HHAT: variants seen among roughly 807,000 people sequenced by gnomAD.
The protein encoded by HHAT is hedgehog acyltransferase, also known as protein-cysteine N-palmitoyltransferase HHAT.
A neutral mutation model predicts 70.8 loss-of-function variants in HHAT; 47 were observed. That is an observed-to-expected ratio of 0.66 (90% confidence interval 0.53 to 0.85). HHAT has a LOEUF of 0.85. HHAT is among the 40% of genes least tolerant of loss of function. The pLI is 0.00. For missense variants in HHAT, 609 were observed against 604.8 expected, an observed-to-expected ratio of 1.01 and a Z score of -0.07; for synonymous variants, 228 against 247.6, an observed-to-expected ratio of 0.92 and a Z score of 0.74.
chr1:210,481,530 G>GT (rs1226762949), intron 8 of HHAT, among the ~76,000 whole-genome samples: 7 of 152,154 alleles, frequency 4.6e-5, no homozygotes, highest in African/African-American at 1.7e-4. Context: ...ACACAAAAAT[G>GT]TGAAAAACAA....
Position 210,513,193 on chromosome 1 carries a change from G to A in HHAT, c.1043+5G>A, listed in dbSNP as rs2094990465. 1.4e-6 allele frequency: 2 copies of A among 1,456,574 alleles called. No homozygotes were observed. The highest frequency in any genetic ancestry group is 9.6e-7 in the Non-Finnish European group (1 of 1,044,620). The allele number at this position is 1,456,574 out of a possible 1,614,324, so 90.2% of individuals were successfully genotyped here. ...ACTGCATAATTTCTTAATCAGGTAA[G>A]CCAATAATTTTTATTTTAGATAACA... On this transcript the variant is annotated splice_donor_5th_base_variant and intron_variant, in intron 9 of 11. Transcript: ENST00000261458.
chr1:210,642,729 A>G (rs1479826285), intron 11 of HHAT, among the ~76,000 whole-genome samples: 1 of 152,176 alleles, frequency 6.6e-6, no homozygotes, highest in Non-Finnish European at 1.5e-5. Flanking sequence ...TTATAGGCAT[A>G]TATTCTGGGT....
chr1:210,474,968 A>T (rs2094280369), intron 8 of HHAT, among the ~76,000 whole-genome samples: 2 of 152,024 alleles, frequency 1.3e-5, no homozygotes, highest in Non-Finnish European at 1.5e-5. Flanking sequence ...ATCCTGCCTC[A>T]GTCCCCCAAG....
intron 6 of HHAT, among the ~76,000 whole-genome samples, chr1:210,416,799 A>G (rs984227329): frequency 6.6e-6 from 1 of 152,208 alleles, no homozygotes; most frequent in African/African-American, 2.4e-5. Flanking sequence ...GAAGACACAC[A>G]TGGAGGCGGT....
At chr1:210,667,061 C>T (rs1309190274) in intron 11 of HHAT, among the ~76,000 whole-genome samples, 2 of 145,242 alleles carry the variant, frequency 1.4e-5, no homozygotes, top group African/African-American at 5.1e-5. Context: ...GCCTGGGCGA[C>T]AGAGCAAAAC....
intron 8 of HHAT, among the ~76,000 whole-genome samples, chr1:210,504,437 T>C (rs2094815176): frequency 2.0e-5 from 3 of 152,238 alleles, no homozygotes; most frequent in African/African-American, 7.2e-5. Context: ...CATGGAGGGA[T>C]TAACTTTTTG....
chr1:210,552,972 C>T (rs1336161469), intron 9 of HHAT, among the ~76,000 whole-genome samples: 2 of 152,310 alleles, frequency 1.3e-5, no homozygotes. Flanking sequence ...CTCACATCCC[C>T]AGCCTTTAGT....
At chr1:210,447,337 C>A (rs2093655415) in intron 7 of HHAT, among the ~76,000 whole-genome samples, 1 of 152,154 alleles carries the variant, frequency 6.6e-6, no homozygotes, top group Non-Finnish European at 1.5e-5. Context: ...CAGGAGACTA[C>A]CATAGGGTGC....
At chr1:210,374,215 G>C (rs553606408) in intron 3 of HHAT, 3 of 152,050 alleles carry the variant, frequency 2.0e-5, no homozygotes. Flanking sequence ...TCTCTCCACG[G>C]AAATCTTTAG....
At chr1:210,651,825 TA>T (rs1478882597) in intron 11 of HHAT, among the ~76,000 whole-genome samples, 4 of 152,114 alleles carry the variant, frequency 2.6e-5, no homozygotes, top group Non-Finnish European at 5.9e-5. Context: ...GGCATCCAAG[TA>T]AGTAAAGCAG....
At chr1:210,662,931 A>G (rs1232861141) in intron 11 of HHAT, among the ~76,000 whole-genome samples, 3 of 152,002 alleles carry the variant, frequency 2.0e-5, no homozygotes, top group Non-Finnish European at 4.4e-5. Flanking sequence ...TAAAATGTGC[A>G]CTCAGCTCCT....
chr1:210,441,517 T>C (rs953474440), intron 7 of HHAT, among the ~76,000 whole-genome samples: 2 of 152,200 alleles, frequency 1.3e-5, no homozygotes, highest in Non-Finnish European at 2.9e-5. Context: ...AATATGATAA[T>C]TTTTCAAATT....
intron 2 of HHAT, among the ~76,000 whole-genome samples, chr1:210,353,337 A>G (rs967244500): frequency 6.6e-6 from 1 of 152,046 alleles, no homozygotes; most frequent in Non-Finnish European, 1.5e-5. Context: ...AAAGGATGCC[A>G]TATATTTTTC....
At chr1:210,639,619 A>C (rs1672594613) in intron 11 of HHAT, among the ~76,000 whole-genome samples, 1 of 152,144 alleles carries the variant, frequency 6.6e-6, no homozygotes, top group South Asian at 2.1e-4. Flanking sequence ...CTCAGTGTTA[A>C]ATGTGCATGA....
chr1:210,675,049 T>C lies in HHAT; in HGVS notation c.*670T>C, dbSNP rs1574164963. ...ACATTTGGGTGCTTGTTTCTGAGATTTGCAGAGAAGTATAACATGGTAGTT... is the reference window on the plus strand; with the variant it reads ...ACATTTGGGTGCTTGTTTCTGAGATCTGCAGAGAAGTATAACATGGTAGTT... On this transcript the variant is annotated 3_prime_UTR_variant, in exon 12 of 12. Transcript: ENST00000261458. The C allele has an allele frequency of 1.3e-5, 2 of 152,362 alleles. No individual in the cohort carries two copies. Among genetic ancestry groups the C allele is most frequent in the Admixed American group, 1.3e-4 (2 of 15,310 alleles). 9.4% of individuals were successfully genotyped at this position (152,362 alleles called of 1,614,324 possible).
chr1:210,440,818 C>G (rs1396811922), intron 7 of HHAT, among the ~76,000 whole-genome samples: 2 of 149,442 alleles, frequency 1.3e-5, no homozygotes, highest in Non-Finnish European at 2.9e-5. Flanking sequence ...TCTAGGTTCC[C>G]TAGTTTTTCC....
At chr1:210,452,483 T>G (rs2093775239) in intron 7 of HHAT, among the ~76,000 whole-genome samples, 1 of 152,242 alleles carries the variant, frequency 6.6e-6, no homozygotes, top group Non-Finnish European at 1.5e-5. Flanking sequence ...CTGGCCAGTT[T>G]TCTTTCATCT....
chr1:210,559,490 C>G (rs2095602259), intron 9 of HHAT, among the ~76,000 whole-genome samples: 1 of 152,162 alleles, frequency 6.6e-6, no homozygotes, highest in Non-Finnish European at 1.5e-5. Context: ...TTCAGCACCC[C>G]TTATACATAG....
At chr1:210,595,946 T>C (rs1662894488) in intron 10 of HHAT, among the ~76,000 whole-genome samples, 1 of 152,212 alleles carries the variant, frequency 6.6e-6, no homozygotes, top group African/African-American at 2.4e-5. Context: ...GTAGTTTCTT[T>C]TGCTGTGCAG....
Sources: gnomAD v4.1 joint callset for allele counts (sites outside exome capture counted in the v4.1 genomes callset) on GRCh38, gnomAD v4.1.1 for gene constraint, MANE v1.5 for transcripts, NCBI Gene and HGNC (gene_info 2026-07-23, HGNC 2026-07-21) for gene names.